The following EPC1 variants were observed in gnomAD, a reference collection of about 807,000 sequenced individuals.
The protein encoded by EPC1 is enhancer of polycomb 1.
EPC1 carries 12 observed loss-of-function variants against 98.4 expected under a neutral mutation model. That is an observed-to-expected ratio of 0.12 (90% CI 0.08 to 0.20). The LOEUF (loss-of-function observed/expected upper bound fraction) is 0.20. EPC1 is among the 10% of genes least tolerant of loss of function. The pLI, the probability that EPC1 is intolerant of heterozygous loss-of-function variation, is 1.00. For missense variants in EPC1, 729 were observed against 990.5 expected (o/e 0.74, Z 3.54); for synonymous variants, 357 against 363.9 (o/e 0.98, Z 0.21).
intron 10 of EPC1, chr10:32,282,595 T>C (rs1409700670): frequency 6.6e-6 from 1 of 152,218 alleles, no homozygotes; most frequent in Non-Finnish European, 1.5e-5. Context: ...AGGTTACTAA[T>C]GATTTCTTTT....
At position 32,271,659 on chromosome 10, in the gene EPC1, G is replaced by C. The variant is rs1399753132; in HGVS notation, c.2264C>G (p.Pro755Arg). 6.8e-6 allele frequency: 11 copies of C among 1,614,050 alleles called. No homozygotes were observed. The highest frequency in any genetic ancestry group is 9.3e-6 in the Non-Finnish European group (11 of 1,180,040). ...TGATGGAACAGCACTTAAAGTCCTA[G>C]GTATATGTCGTGCATTTATTGGGGC... ...SIAPINARHI[P>R]RTLSAVPSSA... The change falls in exon 13 of 14, where the codon CCT becomes CGT. Residue 755 changes from proline to arginine, a missense_variant. By Grantham distance (103) the Pro-to-Arg change is moderately radical. Transcript: ENST00000319778.
chr10:32,303,463 T>C (rs1202987735), intron 2 of EPC1, among the ~76,000 whole-genome samples: 2 of 152,238 alleles, frequency 1.3e-5, no homozygotes. Context: ...TATCATGGAA[T>C]ACTGCTCAGC....
intron 11 of EPC1, 74 bp downstream of exon 11, chr10:32,273,089 C>T (rs756081923): frequency 6.2e-7 from 1 of 1,614,074 alleles, no homozygotes. Context: ...GGTTCTATGA[C>T]AACAGTTGGT....
At chr10:32,294,407 G>A (rs1243724057) in intron 2 of EPC1, among the ~76,000 whole-genome samples, 1 of 152,182 alleles carries the variant, frequency 6.6e-6, no homozygotes, top group Non-Finnish European at 1.5e-5. Flanking sequence ...GCCTGATGGT[G>A]ATTTTATGTA....
At chr10:32,316,364 G>A (rs1836546890) in intron 1 of EPC1, among the ~76,000 whole-genome samples, 1 of 152,190 alleles carries the variant, frequency 6.6e-6, no homozygotes, top group Non-Finnish European at 1.5e-5. Flanking sequence ...AGAAAGACGT[G>A]AGTAAGAATG....
chr10:32,369,397 C>T (rs1043659327), intron 1 of EPC1, among the ~76,000 whole-genome samples: 2 of 152,004 alleles, frequency 1.3e-5, no homozygotes, highest in African/African-American at 4.8e-5. Flanking sequence ...TTCAGAATAC[C>T]TTTTTTTAAA....
At chr10:32,339,891 GA>G (rs1331433934) in intron 1 of EPC1, among the ~76,000 whole-genome samples, 1 of 152,178 alleles carries the variant, frequency 6.6e-6, no homozygotes, top group Non-Finnish European at 1.5e-5. Flanking sequence ...TCAAGGTAGG[GA>G]AAGTTTCCTT....
Position 32,293,751 on chromosome 10 carries a change from C to A in EPC1, c.314-14G>T. 1 of 1,605,592 alleles carries A rather than the reference C, an allele frequency of 6.2e-7. No homozygotes were observed. Among genetic ancestry groups the A allele is most frequent in the Non-Finnish European group, 8.5e-7 (1 of 1,175,442 alleles). ...CCAAACTAAAAGCTGACAGAAGGAA[C>A]CATATGCAATCATTTACTGTGTGAA... On this transcript the variant is annotated splice_polypyrimidine_tract_variant and intron_variant, in intron 2 of 13. Coordinates refer to ENST00000319778, the MANE Select transcript of EPC1 (RefSeq NM_001272004.3).
At chr10:32,377,530 C>G (rs1382342072) in intron 1 of EPC1, 1 of 152,060 alleles carries the variant, frequency 6.6e-6, no homozygotes, top group East Asian at 1.9e-4. Flanking sequence ...CATGCCTGTC[C>G]CTGATGTTCC....
intron 1 of EPC1, chr10:32,345,350 TC>T: frequency 1.0e-6 from 1 of 985,468 alleles, no homozygotes; most frequent in Non-Finnish European, 1.2e-6. Context: ...CACAGCTATT[TC>T]ACTTTAAAAG....
At chr10:32,331,458 T>C (rs1338013214) in intron 1 of EPC1, among the ~76,000 whole-genome samples, 1 of 152,054 alleles carries the variant, frequency 6.6e-6, no homozygotes, top group African/African-American at 2.4e-5. Context: ...GAAATTTTAA[T>C]ATACAAAAGT....
At chr10:32,272,978 A>G (rs1285404312) in intron 11 of EPC1, 185 bp downstream of exon 11, 1 of 1,569,278 alleles carries the variant, frequency 6.4e-7, no homozygotes, top group South Asian at 1.1e-5. Flanking sequence ...TTTACTTTTT[A>G]AAATAGGGAG....
intron 10 of EPC1, among the ~76,000 whole-genome samples, chr10:32,276,683 T>C (rs1258258312): frequency 1.3e-5 from 2 of 152,110 alleles, no homozygotes; most frequent in African/African-American, 4.8e-5. Flanking sequence ...AGGTAGTAAA[T>C]ATGGGCAAAA....
chr10:32,305,916 G>A lies in EPC1; in HGVS notation c.169C>T (p.Arg57Trp), dbSNP rs1835849278. The change falls in exon 2 of 14, where the codon CGG becomes TGG. Residue 57 changes from arginine (R) to tryptophan (W), a missense_variant. Physicochemically the swap from Arg to Trp is moderately radical, Grantham distance 101. This residue lies in a region of EPC1 where 46 missense variants were observed against 119.7 expected (regional missense o/e 0.38). Coordinates refer to ENST00000319778, the MANE Select transcript of EPC1 (RefSeq NM_001272004.3). The part of the protein sequence containing the change: ...KEEESEHHLQ[R>W]AISAQQVYGE... ...TACACCTGCTGTGCTGAAATAGCCC[G>A]CTGAAGATGATGTTCCTAAAAAGAA... The A allele has an allele frequency of 1.3e-6, 2 of 1,597,088 alleles. No homozygotes were observed. Among genetic ancestry groups the A allele is most frequent in the Non-Finnish European group, 1.7e-6 (2 of 1,173,982 alleles).
In EPC1 at chr10:32,287,163, C is replaced by T. The variant is rs1416617388; in HGVS notation, c.1087G>A (p.Val363Ile). ...PQQTSPAALP[V>I]FNAKDLNQYD... ...TGATTCAGATCTTTAGCATTGAAGACTGGCAGTGCAGCAGGACTCGTCTGT... is the reference window on the plus strand; with the variant it reads ...TGATTCAGATCTTTAGCATTGAAGATTGGCAGTGCAGCAGGACTCGTCTGT... Residue 363 changes from valine to isoleucine, a missense_variant, in exon 7 of 14, where the codon GTC becomes ATC. Physicochemically the swap from Val to Ile is conservative, Grantham distance 29 (BLOSUM62 3). Transcript: ENST00000319778. The T allele has an allele frequency of 6.2e-7, 1 of 1,614,048 alleles. No individual in the cohort carries two copies. The highest frequency in any genetic ancestry group is 8.5e-7 in the Non-Finnish European group (1 of 1,180,040).
At chr10:32,361,478 C>T (rs1839440912) in intron 1 of EPC1, among the ~76,000 whole-genome samples, 1 of 152,110 alleles carries the variant, frequency 6.6e-6, no homozygotes, top group African/African-American at 2.4e-5. Flanking sequence ...ACAGAATACC[C>T]CCATTTTTCT....
chr10:32,321,571 T>A (rs564457019), intron 1 of EPC1, among the ~76,000 whole-genome samples: 1 of 152,078 alleles, frequency 6.6e-6, no homozygotes, highest in African/African-American at 2.4e-5. Flanking sequence ...GGTAGATCAG[T>A]GGCAGAGACT....
upstream of EPC1, among the ~76,000 whole-genome samples, chr10:32,349,068 A>C (rs1427132000): frequency 6.6e-6 from 1 of 152,178 alleles, no homozygotes; most frequent in African/African-American, 2.4e-5. Flanking sequence ...AGAATTGCCA[A>C]CTTCACTGTG....
At chr10:32,289,945 A>T (rs1234525636) in intron 6 of EPC1, among the ~76,000 whole-genome samples, 2 of 152,112 alleles carry the variant, frequency 1.3e-5, no homozygotes, top group African/African-American at 4.8e-5. Context: ...CATACAAAAA[A>T]TGCATAACGT....
Sources: gnomAD v4.1 joint callset for allele counts (sites outside exome capture counted in the v4.1 genomes callset) on GRCh38, gnomAD v4.1.1 for gene constraint, gnomAD v4.1.1 regional missense constraint, MANE v1.5 for transcripts, NCBI Gene and HGNC (gene_info 2026-07-23, HGNC 2026-07-21) for gene names.